The following TOPAZ1 variants were observed in gnomAD, a reference collection of about 807,000 sequenced individuals.
TOPAZ1 encodes protein TOPAZ1.
In TOPAZ1, 66 loss-of-function variants were observed where a neutral mutation model predicts 172.2. That is an observed-to-expected ratio of 0.38 (90% CI 0.31 to 0.47). TOPAZ1 has a LOEUF of 0.47. TOPAZ1 is among the 20% of genes least tolerant of loss of function. The pLI, the probability that TOPAZ1 is intolerant of heterozygous loss-of-function variation, is 0.99. For synonymous variants in TOPAZ1, 681 were observed against 683.9 expected, an observed-to-expected ratio of 1.00 and a Z score of 0.07; for missense variants, 1,822 against 1,972.4, an observed-to-expected ratio of 0.92 and a Z score of 1.44.
intron 15 of TOPAZ1, 83 bp from the exon 16 acceptor site, chr3:44,309,742 A>T: frequency 9.9e-7 from 1 of 1,008,524 alleles, no homozygotes; most frequent in Non-Finnish European, 1.4e-6. Flanking sequence ...CAAACTGGAT[A>T]CTTGGCTTGT....
At chr3:44,259,787 T>A (rs1486200785) in intron 4 of TOPAZ1, among the ~76,000 whole-genome samples, 1 of 152,206 alleles carries the variant, frequency 6.6e-6, no homozygotes, top group Non-Finnish European at 1.5e-5. Context: ...AATGACTTTA[T>A]TTTAGTTTTA....
Position 44,243,201 on chromosome 3 carries a change from T to A in TOPAZ1, c.695T>A (p.Phe232Tyr), listed in dbSNP as rs1304062554. The change falls in exon 2 of 20, where the codon TTC becomes TAC. Residue 232 changes from phenylalanine to tyrosine, a missense_variant. Physicochemically the swap from Phe to Tyr is conservative, Grantham distance 22. This residue lies in a region of TOPAZ1 where 1,489 missense variants were observed against 1,490.8 expected (regional missense o/e 1.00). Transcript: ENST00000309765. The part of the protein sequence containing the change: ...SVLKLRDCNC[F>Y]PHSKGCNDEN... ...TTAAAATTACGTGATTGCAATTGTT[T>A]CCCCCATTCCAAGGGTTGTAATGAT... The A allele has an allele frequency of 1.3e-6, 2 of 1,549,098 alleles. No homozygotes were observed. The highest frequency in any genetic ancestry group is 2.4e-5 in the South Asian group (2 of 82,982).
At chr3:44,283,217 T>C (rs1203216523) in intron 9 of TOPAZ1, among the ~76,000 whole-genome samples, 1 of 152,148 alleles carries the variant, frequency 6.6e-6, no homozygotes, top group East Asian at 1.9e-4. Context: ...AGAATAAATG[T>C]AGAAAGTTGT....
chr3:44,285,543 C>T (rs935589423), intron 9 of TOPAZ1, among the ~76,000 whole-genome samples: 2 of 145,232 alleles, frequency 1.4e-5, no homozygotes, highest in African/African-American at 5.0e-5. Context: ...CAGTTTCCAC[C>T]CAACAGTTTA....
chr3:44,299,295 A>G (rs1403818125), intron 12 of TOPAZ1, among the ~76,000 whole-genome samples: 1 of 152,178 alleles, frequency 6.6e-6, no homozygotes, highest in Non-Finnish European at 1.5e-5. Flanking sequence ...GGAGCTGGAC[A>G]TGAACAGACA....
At chr3:44,324,201 T>C (rs1700572777) in intron 18 of TOPAZ1, among the ~76,000 whole-genome samples, 1 of 152,228 alleles carries the variant, frequency 6.6e-6, no homozygotes, top group African/African-American at 2.4e-5. Flanking sequence ...CAGTTGCATA[T>C]ATGCACGTAT....
At chr3:44,266,621 C>G (rs1699832628) in intron 5 of TOPAZ1, among the ~76,000 whole-genome samples, 1 of 152,126 alleles carries the variant, frequency 6.6e-6, no homozygotes, top group South Asian at 2.1e-4. Flanking sequence ...GTTGGTGGAG[C>G]AGTCAGAACA....
intron 19 of TOPAZ1, among the ~76,000 whole-genome samples, chr3:44,331,591 C>T (rs780698821): frequency 1.3e-5 from 2 of 152,160 alleles, no homozygotes; most frequent in Admixed American, 6.6e-5. Flanking sequence ...GCGTCCAAAG[C>T]GCTGGGGTTA....
At position 44,244,739 on chromosome 3, in the gene TOPAZ1, T is replaced by A. The variant is rs1288016918; in HGVS notation, c.2233T>A (p.Leu745Met). The A allele has an allele frequency of 6.4e-7, 1 of 1,551,556 alleles. No homozygotes were observed. The highest frequency in any genetic ancestry group is 2.4e-5 in the East Asian group (1 of 40,900). The change falls in exon 2 of 20, where the codon TTG becomes ATG. Residue 745 changes from leucine to methionine, a missense_variant. Physicochemically the swap from Leu to Met is conservative, Grantham distance 15. Around this residue, in one of 2 missense-constraint regions of TOPAZ1, gnomAD observed 1,489 missense variants for 1,490.8 expected, o/e 1.00. Transcript: ENST00000309765. ...VSMMMLGPQT[L>M]SIRNSVTPVQ... The stretch of plus-strand genomic sequence containing the variant: ...CATGATGATGTTAGGACCTCAAACT[T>A]TGAGCATACGAAATAGTGTAACTCC...
chr3:44,333,673 A>G (rs1248602019), downstream of TOPAZ1, among the ~76,000 whole-genome samples: 1 of 152,210 alleles, frequency 6.6e-6, no homozygotes, highest in African/African-American at 2.4e-5. Context: ...TTGCTGGAAC[A>G]AACAGAGGCA....
chr3:44,329,975 C>G (rs1366714475), intron 19 of TOPAZ1, among the ~76,000 whole-genome samples: 7 of 152,184 alleles, frequency 4.6e-5, no homozygotes, highest in Admixed American at 1.3e-4. Context: ...GGCAGTGACT[C>G]TTGCAAAACT....
chr3:44,329,327 G>A lies in TOPAZ1; in HGVS notation c.4859+894G>A, dbSNP rs115804458. ...GTTGTCAGAAACTTTAGTCACCTAC[G>A]TGATAGCTTGCTGGAGCTAGAGGAT... On this transcript the variant is annotated intron_variant, in intron 19 of 19. Coordinates refer to ENST00000309765, the MANE Select transcript of TOPAZ1 (RefSeq NM_001145030.2). Among the ~76,000 whole-genome samples, 453 of 152,252 alleles carry A rather than the reference G, an allele frequency of 3.0e-3. 2 individuals carry two copies. Among genetic ancestry groups the A allele is most frequent in the African/African-American group, 0.01 (421 of 41,540 alleles).
chr3:44,312,244 A>C (rs1236683314), intron 16 of TOPAZ1, among the ~76,000 whole-genome samples: 2 of 152,030 alleles, frequency 1.3e-5, no homozygotes, highest in Non-Finnish European at 2.9e-5. Context: ...AAAAAAAAAA[A>C]AAAACACAGG....
chr3:44,248,704 C>G (rs1315972136), intron 2 of TOPAZ1, among the ~76,000 whole-genome samples: 1 of 152,168 alleles, frequency 6.6e-6, no homozygotes, highest in Non-Finnish European at 1.5e-5. Flanking sequence ...TTTCTCCCTT[C>G]TAAGACACTG....
chr3:44,255,502 ATTAGCCG>A (rs1426837932), intron 3 of TOPAZ1, among the ~76,000 whole-genome samples: 1 of 151,866 alleles, frequency 6.6e-6, no homozygotes, highest in Non-Finnish European at 1.5e-5. Flanking sequence ...AGTACAAAAA[ATTAGCCG>A]GGCGTGGTGG....
In TOPAZ1 at chr3:44,243,325, C is replaced by T. The variant is rs1559521671; in HGVS notation, c.819C>T (p.Asp273=). ...TTAGGAGTCTTGCAGAGAAGAGTGA[C>T]ACAAATAGTATTCCTCAGCTCTTAC... ...ENLRSLAEKS[D]TNSIPQLLQT... is the part of the protein sequence containing the mutation. Residue 273 remains aspartate, a synonymous_variant, in exon 2 of 20, where the codon GAC becomes GAT. Coordinates refer to ENST00000309765, the MANE Select transcript of TOPAZ1 (RefSeq NM_001145030.2). 4 of 1,551,340 alleles carry T rather than the reference C, an allele frequency of 2.6e-6. No homozygotes were observed. The highest frequency in any genetic ancestry group is 3.5e-6 in the Non-Finnish European group (4 of 1,146,894).
intron 8 of TOPAZ1, among the ~76,000 whole-genome samples, chr3:44,271,338 G>A (rs1309644419): frequency 6.6e-6 from 1 of 152,122 alleles, no homozygotes; most frequent in African/African-American, 2.4e-5. Flanking sequence ...TTTGCATATA[G>A]CCATTCTGGT....
At chr3:44,331,567 TCCCC>T (rs1700669275) in intron 19 of TOPAZ1, among the ~76,000 whole-genome samples, 2 of 152,218 alleles carry the variant, frequency 1.3e-5, no homozygotes, top group East Asian at 3.9e-4. Context: ...CCTCAAGCGA[TCCCC>T]CCAACCTGAG....
At chr3:44,265,824 A>G (rs74707249) in intron 5 of TOPAZ1, among the ~76,000 whole-genome samples, 4,188 of 152,312 alleles carry the variant, frequency 0.027, 75 homozygotes, top group Non-Finnish European at 0.041. Context: ...TGGAATGGTT[A>G]AAGTTGCCAG....
Sources: gnomAD v4.1 joint callset for allele counts (sites outside exome capture counted in the v4.1 genomes callset) on GRCh38, gnomAD v4.1.1 for gene constraint, gnomAD v4.1.1 regional missense constraint, MANE v1.5 for transcripts, NCBI Gene and HGNC (gene_info 2026-07-23, HGNC 2026-07-21) for gene names.